Variants in ATPAF1 observed in about 807,000 individuals in gnomAD.
ATPAF1 encodes ATP synthase mitochondrial F1 complex assembly factor 1.
A neutral mutation model predicts 43.9 loss-of-function variants in ATPAF1; 26 were observed. That is an observed-to-expected ratio of 0.59 (90% CI 0.43 to 0.82). ATPAF1 has a LOEUF of 0.82. ATPAF1 is among the 40% of genes least tolerant of loss of function. The pLI is 0.00. For missense variants in ATPAF1, 366 were observed against 435.0 expected (o/e 0.84, Z 1.41); for synonymous variants, 157 against 168.0 (o/e 0.93, Z 0.50).
intron 8 of ATPAF1, among the ~76,000 whole-genome samples, chr1:46,638,714 GTT>G (rs1204825326): frequency 6.6e-6 from 1 of 152,042 alleles, no homozygotes; most frequent in Non-Finnish European, 1.5e-5. Flanking sequence ...CTCATGGAGG[GTT>G]ATAGAAAGGC....
In ATPAF1 at chr1:46,649,623, A is replaced by C. The variant is rs1205926479; in HGVS notation, c.588+2958T>G. Reference sequence around the variant, plus strand: ...CTAGAGACCAATTAGGAGAGAACTGATACCTTAACAATAACAAAGCCTAGG... The same window carrying C: ...CTAGAGACCAATTAGGAGAGAACTGCTACCTTAACAATAACAAAGCCTAGG... On this transcript the variant is annotated intron_variant, in intron 6 of 8. Transcript: ENST00000574428. 2.0e-5 allele frequency among the ~76,000 whole-genome samples: 3 copies of C among 152,100 alleles called. No individual in the cohort carries two copies. In the East Asian group the frequency reaches 5.8e-4, roughly 29 times the overall value.
At position 46,668,271 on chromosome 1, in the gene ATPAF1, G is replaced by A; in HGVS notation, c.52C>T (p.Gln18Ter). The A allele has an allele frequency of 1.4e-6, 2 of 1,387,394 alleles. No homozygotes were observed. Among genetic ancestry groups the A allele is most frequent in the Non-Finnish European group, 9.4e-7 (1 of 1,066,454 alleles). 85.9% of individuals were successfully genotyped at this position (1,387,394 alleles called of 1,614,324 possible). ...AGGCCCCGGTAGAGACCGGCCACCT[G>A]CAGGACCGCCGGTCCCGCGCCACCC... Residue 18 changes from glutamine to a stop codon, truncating the protein, a stop_gained, in exon 1 of 9, where the codon CAG (glutamine) becomes TAG (stop). Coordinates refer to ENST00000574428, the Ensembl canonical transcript of ATPAF1. LOFTEE classifies it high-confidence loss of function. The surrounding 1 kb of genome is among the most constrained non-coding windows in gnomAD (Gnocchi z 4.4).
intron 6 of ATPAF1, among the ~76,000 whole-genome samples, chr1:46,647,471 G>A (rs1253128411): frequency 6.6e-6 from 1 of 150,888 alleles, no homozygotes; most frequent in Non-Finnish European, 1.5e-5. Flanking sequence ...TTTTACTGCT[G>A]AATATTATTC....
At chr1:46,644,879 T>C (rs931803423) in intron 7 of ATPAF1, among the ~76,000 whole-genome samples, 7 of 152,184 alleles carry the variant, frequency 4.6e-5, no homozygotes, top group Non-Finnish European at 8.8e-5. Flanking sequence ...GGCATGTTTG[T>C]TAAGTGAGGC....
intron 8 of ATPAF1, among the ~76,000 whole-genome samples, chr1:46,639,203 AC>A (rs1375266502): frequency 6.7e-6 from 1 of 149,090 alleles, no homozygotes; most frequent in African/African-American, 2.5e-5. Context: ...AAATCTCTAA[AC>A]AAAAACCACC....
At chr1:46,663,086 T>C (rs1275993160) in intron 2 of ATPAF1, among the ~76,000 whole-genome samples, 4 of 152,232 alleles carry the variant, frequency 2.6e-5, no homozygotes, top group Non-Finnish European at 5.9e-5. Context: ...TCCAGCTTCA[T>C]CCATGTCCCT....
chr1:46,642,907 T>C (rs1337466390), intron 8 of ATPAF1, among the ~76,000 whole-genome samples: 2 of 152,188 alleles, frequency 1.3e-5, no homozygotes, highest in African/African-American at 4.8e-5. Flanking sequence ...AAAGATTTAG[T>C]TACCAAATGA....
chr1:46,665,835 T>A, intron 1 of ATPAF1: 1 of 1,428,956 alleles, frequency 7.0e-7, no homozygotes. Flanking sequence ...GGTAGCCTAT[T>A]TTGCAGAAGA....
intron 7 of ATPAF1, among the ~76,000 whole-genome samples, chr1:46,644,033 G>C (rs1159456095): frequency 6.6e-6 from 1 of 152,176 alleles, no homozygotes; most frequent in East Asian, 1.9e-4. Context: ...TAGGGTACTT[G>C]TAATAGTTCA....
At chr1:46,655,964 C>T (rs1053267957) in intron 4 of ATPAF1, among the ~76,000 whole-genome samples, 1 of 152,208 alleles carries the variant, frequency 6.6e-6, no homozygotes, top group African/African-American at 2.4e-5. Context: ...TGCAAGCCCC[C>T]TGTAGGCAGG....
At position 46,651,512 on chromosome 1, in the gene ATPAF1, C is replaced by T. The variant is rs543099122; in HGVS notation, c.588+1069G>A. Among the ~76,000 whole-genome samples the T allele has an allele frequency of 4.5e-4, 69 of 152,270 alleles. 3 individuals carry two copies. The East Asian group carries it at 0.01, about 23-fold the overall frequency. The stretch of plus-strand genomic sequence containing the variant: ...TGATTTATAGTCCTTTGGGTATACA[C>T]CCAGTAATGGGATGGCTGGGTCAAA... On this transcript the variant is annotated intron_variant, in intron 6 of 8. Coordinates refer to ENST00000574428, the Ensembl canonical transcript of ATPAF1.
At position 46,653,795 on chromosome 1, in the gene ATPAF1, C is replaced by T. The variant is rs2148821656; in HGVS notation, c.540+22G>A. ...TGACTTTCATGTTGTAACACTTTCA[C>T]TTTGCCCTCCAAACTACTTACAGGA... On this transcript the variant is annotated intron_variant, in intron 5 of 8. Transcript: ENST00000574428. The surrounding 1 kb of genome is among the most constrained non-coding windows in gnomAD (Gnocchi z 4.8). 1 of 1,602,274 alleles carries T rather than the reference C, an allele frequency of 6.2e-7. No homozygotes were observed. The highest frequency in any genetic ancestry group is 8.5e-7 in the Non-Finnish European group (1 of 1,174,336).
At chr1:46,642,306 AAGAG>A (rs1218980399) in intron 8 of ATPAF1, among the ~76,000 whole-genome samples, 1 of 152,210 alleles carries the variant, frequency 6.6e-6, no homozygotes, top group Non-Finnish European at 1.5e-5. Flanking sequence ...TGCAGCTGGT[AAGAG>A]AAAGAGAAAA....
chr1:46,635,718 G>A lies in ATPAF1; in HGVS notation c.*58C>T. 5 of 1,496,634 alleles carry A rather than the reference G, an allele frequency of 3.3e-6. No homozygotes were observed. In the South Asian group the frequency reaches 6.4e-5, roughly 19 times the overall value. The allele number at this position is 1,496,634 out of a possible 1,614,324, so 92.7% of individuals were successfully genotyped here. ...GAGCTCTTGAGTTCCTGAGGAGGGG[G>A]TGGGCTCTAGACTATCGAGGGCTGA... is the stretch of plus-strand genomic sequence containing the variant. On this transcript the variant is annotated 3_prime_UTR_variant, in exon 9 of 9. Coordinates refer to ENST00000574428, the Ensembl canonical transcript of ATPAF1.
chr1:46,652,492 G>T, intron 6 of ATPAF1, 89 bp downstream of exon 6: 105 of 1,313,540 alleles, frequency 8.0e-5, no homozygotes, highest in Non-Finnish European at 1.0e-4. Flanking sequence ...TATAACATGT[G>T]AGACAGTATG....
chr1:46,639,534 G>C (rs1401025665), intron 8 of ATPAF1, among the ~76,000 whole-genome samples: 1 of 152,166 alleles, frequency 6.6e-6, no homozygotes, highest in East Asian at 1.9e-4. Flanking sequence ...ATAAAGCTAG[G>C]TTTTTAAATA....
At chr1:46,645,667 A>T (rs1052846523) in intron 6 of ATPAF1, among the ~76,000 whole-genome samples, 1 of 152,130 alleles carries the variant, frequency 6.6e-6, no homozygotes, top group Non-Finnish European at 1.5e-5. Flanking sequence ...CCAGCCTAAA[A>T]CATTTTTTTA....
downstream of ATPAF1, chr1:46,634,716 C>T (rs754138140): frequency 2.0e-5 from 3 of 152,448 alleles, no homozygotes; most frequent in Admixed American, 1.3e-4. Flanking sequence ...ACCGTCCTTT[C>T]CTATCACTGA....
At chr1:46,640,930 T>C (rs894712990) in intron 8 of ATPAF1, among the ~76,000 whole-genome samples, 21 of 152,202 alleles carry the variant, frequency 1.4e-4, no homozygotes, top group Non-Finnish European at 1.9e-4. Context: ...TTTATCAGTG[T>C]CCTTATACTC....
Sources: allele counts gnomAD v4.1 joint callset (sites outside exome capture counted in the v4.1 genomes callset), GRCh38; gene constraint gnomAD v4.1.1; non-coding constraint Gnocchi (gnomAD v3.1); transcripts MANE v1.5; gene names NCBI Gene and HGNC (gene_info 2026-07-23, HGNC 2026-07-21).